PPP6R3: variants seen among roughly 807,000 people sequenced by gnomAD.
PPP6R3 encodes the protein protein phosphatase 6 regulatory subunit 3.
In PPP6R3, 38 loss-of-function variants were observed where a neutral mutation model predicts 110.7. That is an observed-to-expected ratio of 0.34 (90% CI 0.26 to 0.45). PPP6R3 has a LOEUF of 0.45. Among genes scored for constraint, PPP6R3 ranks in the 20% least tolerant of loss-of-function variants. The pLI, the probability that PPP6R3 is intolerant of heterozygous loss-of-function variation, is 1.00. For missense variants in PPP6R3, 870 were observed against 1,062.4 expected (o/e 0.82, Z 2.52); for synonymous variants, 369 against 373.5 (o/e 0.99, Z 0.14).
At chr11:68,510,053 CCT>C (rs1491580289) in intron 1 of PPP6R3, among the ~76,000 whole-genome samples, 2 of 65,618 alleles carry the variant, frequency 3.0e-5, no homozygotes, top group Non-Finnish European at 6.0e-5. Context: ...CTGTGCTCGG[CCT>C]TTTTTTTTTT....
At position 68,590,696 on chromosome 11, in the gene PPP6R3, T is replaced by C; in HGVS notation, c.1767T>C (p.Thr589=). The change falls in exon 17 of 24, where the codon ACT becomes ACC. Residue 589 remains threonine (T), a synonymous_variant. Coordinates refer to ENST00000393800, the MANE Select transcript of PPP6R3 (RefSeq NM_001164161.2). The part of the protein sequence containing the change: ...SFDRVSDINF[T]LNTNESGNIA... ...ATCGAGTATCAGACATCAACTTTAC[T>C]CTCAATACAAATGAAAGTGTAAGTA... is the stretch of plus-strand genomic sequence containing the variant. 6.3e-7 allele frequency: 1 copy of C among 1,594,716 alleles called. No individual in the cohort carries two copies.
At chr11:68,508,236 C>A (rs1256423447) in intron 1 of PPP6R3, among the ~76,000 whole-genome samples, 1 of 143,476 alleles carries the variant, frequency 7.0e-6, no homozygotes, top group Non-Finnish European at 1.5e-5. Flanking sequence ...TCAAGCAATT[C>A]TCCTGCCTCA....
intron 14 of PPP6R3, among the ~76,000 whole-genome samples, chr11:68,576,409 C>T (rs1045613787): frequency 5.3e-5 from 8 of 152,148 alleles, no homozygotes; most frequent in African/African-American, 1.7e-4. Flanking sequence ...CTTAGGAAAG[C>T]GAAAGATTCA....
At chr11:68,510,762 G>A (rs2153530522) in intron 1 of PPP6R3, among the ~76,000 whole-genome samples, 1 of 152,144 alleles carries the variant, frequency 6.6e-6, no homozygotes, top group South Asian at 2.1e-4. Context: ...TCCCTTTCCT[G>A]GAGATAGTGT....
intron 8 of PPP6R3, among the ~76,000 whole-genome samples, chr11:68,562,697 A>G (rs2099429621): frequency 6.6e-6 from 1 of 152,210 alleles, no homozygotes. Context: ...CTGAATGGTT[A>G]GGTATTCTAT....
At chr11:68,487,258 T>C (rs531786845) in intron 1 of PPP6R3, among the ~76,000 whole-genome samples, 1 of 152,324 alleles carries the variant, frequency 6.6e-6, no homozygotes, top group East Asian at 1.9e-4. Context: ...TTTTGATAAA[T>C]TGTATTTTTC....
Position 68,472,617 on chromosome 11 carries a change from G to T in PPP6R3, c.-158+11790G>T, listed in dbSNP as rs554052163. Among the ~76,000 whole-genome samples, 596 of 143,762 alleles carry T rather than the reference G, an allele frequency of 4.1e-3. 2 individuals are homozygous for T. Among genetic ancestry groups the T allele is most frequent in the Non-Finnish European group, 7.7e-3 (504 of 65,362 alleles). 94.3% of individuals were successfully genotyped at this position (143,762 alleles called of 152,430 possible). On this transcript the variant is annotated intron_variant, in intron 1 of 23. Coordinates refer to ENST00000393800, the MANE Select transcript of PPP6R3 (RefSeq NM_001164161.2). Reference sequence around the variant, plus strand: ...GGTGGATGTAAACTTATATCTCGGGGTTTTTTTTTTTTTAATGACAACATT... The same window carrying T: ...GGTGGATGTAAACTTATATCTCGGGTTTTTTTTTTTTTTAATGACAACATT...
chr11:68,503,468 A>C (rs2099059005), intron 1 of PPP6R3, among the ~76,000 whole-genome samples: 1 of 152,178 alleles, frequency 6.6e-6, no homozygotes, highest in Non-Finnish European at 1.5e-5. Context: ...GGAAGGAAGG[A>C]AGGAGAGGAG....
intron 1 of PPP6R3, among the ~76,000 whole-genome samples, chr11:68,476,668 A>G (rs951437154): frequency 1.3e-5 from 2 of 152,152 alleles, no homozygotes; most frequent in Non-Finnish European, 2.9e-5. Context: ...GATTTTCATT[A>G]TGATTTCAAA....
intron 1 of PPP6R3, among the ~76,000 whole-genome samples, chr11:68,511,497 T>TTAAA (rs2099109764): frequency 6.8e-6 from 1 of 147,208 alleles, no homozygotes. Flanking sequence ...TGTGTGTGTT[T>TTAAA]TGAGTTGGAG....
chr11:68,516,113 T>C (rs1214995380), intron 1 of PPP6R3, among the ~76,000 whole-genome samples: 2 of 152,234 alleles, frequency 1.3e-5, no homozygotes, highest in Non-Finnish European at 2.9e-5. Context: ...CTGGCTTATT[T>C]GACTTGGCAC....
intron 1 of PPP6R3, among the ~76,000 whole-genome samples, chr11:68,495,990 A>C (rs2099013009): frequency 6.6e-6 from 1 of 151,974 alleles, no homozygotes; most frequent in South Asian, 2.1e-4. Context: ...CCATGCCAGC[A>C]CTTTTGTTTT....
At chr11:68,461,703 A>C (rs2098709163) in intron 1 of PPP6R3, among the ~76,000 whole-genome samples, 1 of 150,978 alleles carries the variant, frequency 6.6e-6, no homozygotes, top group South Asian at 2.1e-4. Flanking sequence ...TTTTCCTGGT[A>C]CTTCACGTTT....
At chr11:68,570,004 GA>G in intron 11 of PPP6R3, 107 bp downstream of exon 11, 2 of 1,035,344 alleles carry the variant, frequency 1.9e-6, no homozygotes, top group East Asian at 5.2e-5. Flanking sequence ...TTAGATTTCA[GA>G]GTCTAAATAT....
intron 15 of PPP6R3, among the ~76,000 whole-genome samples, chr11:68,585,260 TGGA>T (rs989145025): frequency 6.6e-6 from 1 of 152,226 alleles, no homozygotes; most frequent in African/African-American, 2.4e-5. Flanking sequence ...CATGGAGGTC[TGGA>T]GAATTCAGAC....
chr11:68,493,873 C>T (rs940877908), intron 1 of PPP6R3, among the ~76,000 whole-genome samples: 10 of 150,978 alleles, frequency 6.6e-5, no homozygotes, highest in African/African-American at 2.2e-4. Flanking sequence ...GAGGCTGAGG[C>T]GGGTGGATCA....
At chr11:68,561,287 A>G (rs770842506) in intron 8 of PPP6R3, among the ~76,000 whole-genome samples, 5 of 151,962 alleles carry the variant, frequency 3.3e-5, no homozygotes, top group Non-Finnish European at 5.9e-5. Context: ...TTTTTTAGAG[A>G]TGCAGTCTCA....
At chr11:68,574,695 A>G (rs1230196860) in intron 13 of PPP6R3, among the ~76,000 whole-genome samples, 1 of 152,196 alleles carries the variant, frequency 6.6e-6, no homozygotes, top group East Asian at 1.9e-4. Flanking sequence ...AATGAGGGGT[A>G]TTGGCTTCTA....
chr11:68,539,814 G>A (rs768504169), intron 3 of PPP6R3, among the ~76,000 whole-genome samples: 7 of 152,196 alleles, frequency 4.6e-5, no homozygotes, highest in Non-Finnish European at 1.0e-4. Context: ...TGACGAGACA[G>A]GGACTGCTGA....
Sources: gnomAD v4.1 joint callset for allele counts (sites outside exome capture counted in the v4.1 genomes callset) on GRCh38, gnomAD v4.1.1 for gene constraint, MANE v1.5 for transcripts, NCBI Gene and HGNC (gene_info 2026-07-23, HGNC 2026-07-21) for gene names.